Variants in ZNF679 observed in about 807,000 individuals in gnomAD.
ZNF679 encodes hypothetical protein MGC42415.
Under a neutral mutation model 13.4 loss-of-function variants are expected in ZNF679, and 10 were observed. The ratio of observed to expected loss-of-function variants is 0.75; its 90% CI spans 0.46 to 1.27. The LOEUF is 1.27. ZNF679 is among the 50% of genes most tolerant of loss of function. ZNF679 has a pLI of 0.00. For synonymous variants in ZNF679, 179 were observed against 162.5 expected, an observed-to-expected ratio of 1.10 and a Z score of -0.77; for missense variants, 525 against 477.8, an observed-to-expected ratio of 1.10 and a Z score of -0.92.
At chr7:64,232,685 C>T (rs1176094953) in intron 1 of ZNF679, among the ~76,000 whole-genome samples, 1 of 152,094 alleles carries the variant, frequency 6.6e-6, no homozygotes, top group African/African-American at 2.4e-5. Flanking sequence ...GTGCTGGGCC[C>T]AGTGATTTTC....
chr7:64,248,721 T>C (rs972295335), intron 1 of ZNF679, among the ~76,000 whole-genome samples: 1 of 152,204 alleles, frequency 6.6e-6, no homozygotes, highest in East Asian at 1.9e-4. Context: ...TGAATAACTA[T>C]ATTATATACC....
chr7:64,237,221 A>G (rs1186269770), intron 1 of ZNF679, among the ~76,000 whole-genome samples: 2 of 152,202 alleles, frequency 1.3e-5, no homozygotes, highest in Non-Finnish European at 2.9e-5. Flanking sequence ...AGAAACCATG[A>G]GTCCTCTGGG....
intron 4 of ZNF679, among the ~76,000 whole-genome samples, chr7:64,264,862 T>C (rs75252030): frequency 0.033 from 5,031 of 152,150 alleles, 183 homozygotes; most frequent in East Asian, 0.17. Flanking sequence ...CTAGTTTGTT[T>C]AGCTTCTTCA....
chr7:64,265,873 C>T, intron 4 of ZNF679, 23 bp from the exon 5 acceptor site: 1 of 1,604,672 alleles, frequency 6.2e-7, no homozygotes, highest in Non-Finnish European at 8.5e-7. Context: ...AGTGAAGTAA[C>T]TTGTGATTTT....
intron 1 of ZNF679, among the ~76,000 whole-genome samples, chr7:64,235,127 T>G (rs1787691183): frequency 6.6e-6 from 1 of 152,110 alleles, no homozygotes; most frequent in Non-Finnish European, 1.5e-5. Flanking sequence ...TGTAAGCCAC[T>G]GAGCCCGGCC....
chr7:64,247,858 G>GT (rs75515984), intron 1 of ZNF679, among the ~76,000 whole-genome samples: 44,972 of 147,842 alleles, frequency 0.3, 7,812 homozygotes, highest in East Asian at 0.64. Context: ...GCCCTACCAT[G>GT]TTTTTTTTTT....
chr7:64,249,388 A>C (rs1470511218), intron 2 of ZNF679, among the ~76,000 whole-genome samples: 1 of 152,098 alleles, frequency 6.6e-6, no homozygotes, highest in Non-Finnish European at 1.5e-5. Context: ...CCTGGACTGG[A>C]GCCCTCTCTG....
intron 2 of ZNF679, among the ~76,000 whole-genome samples, chr7:64,258,908 TG>T (rs1788040029): frequency 6.6e-6 from 1 of 151,960 alleles, no homozygotes; most frequent in African/African-American, 2.4e-5. Context: ...TGTTTTGTTT[TG>T]TTTTGTTTTG....
chr7:64,235,242 A>T (rs924648919), intron 1 of ZNF679, among the ~76,000 whole-genome samples: 1 of 152,118 alleles, frequency 6.6e-6, no homozygotes, highest in African/African-American at 2.4e-5. Flanking sequence ...GTTCCTGAAC[A>T]ACCCATGGGC....
At chr7:64,249,923 C>A (rs1787922566) in intron 2 of ZNF679, among the ~76,000 whole-genome samples, 1 of 152,152 alleles carries the variant, frequency 6.6e-6, no homozygotes, top group African/African-American at 2.4e-5. Flanking sequence ...CTCACTGCAA[C>A]TTCTGCCTCC....
chr7:64,260,056 C>T (rs1425598319), intron 2 of ZNF679, among the ~76,000 whole-genome samples, 165 bp from the exon 3 acceptor site: 1 of 152,104 alleles, frequency 6.6e-6, no homozygotes, highest in Non-Finnish European at 1.5e-5. Context: ...TTAGAGAATA[C>T]TTCAGTGTTA....
intron 1 of ZNF679, among the ~76,000 whole-genome samples, chr7:64,229,114 C>T (rs1168154884): frequency 1.3e-5 from 2 of 152,120 alleles, no homozygotes; most frequent in Non-Finnish European, 2.9e-5. Flanking sequence ...TTTTCTCTTG[C>T]CTGGGTCCAG....
At chr7:64,258,082 A>G (rs1169862712) in intron 2 of ZNF679, among the ~76,000 whole-genome samples, 3 of 151,830 alleles carry the variant, frequency 2.0e-5, no homozygotes, top group Admixed American at 1.3e-4. Flanking sequence ...TCGTGCTCCC[A>G]TTACTGTAAA....
intron 2 of ZNF679, among the ~76,000 whole-genome samples, chr7:64,258,087 T>C (rs925021493): frequency 5.9e-5 from 9 of 151,666 alleles, no homozygotes; most frequent in Admixed American, 5.3e-4. Flanking sequence ...CTCCCATTAC[T>C]GTAAAGAACA....
At position 64,265,990 on chromosome 7, in the gene ZNF679, AC is replaced by A. The variant is rs1788139275; in HGVS notation, c.358del (p.His120MetfsTer6). 1.9e-6 allele frequency: 3 copies of A among 1,613,788 alleles called. No individual in the cohort carries two copies. Among genetic ancestry groups the A allele is most frequent in the Non-Finnish European group, 2.5e-6 (3 of 1,179,816 alleles). ...TACCAAGAAGATATGGAAAAAGTGG[AC>A]ATGACAATTTACAAGTAAAAACATG... The part of the protein sequence containing the change: ...VIPRRYGKSG[H>X]DNLQVKTCKS... On this transcript the variant is annotated frameshift_variant, in exon 5 of 5. Transcript: ENST00000421025. LOFTEE classifies it low-confidence loss of function (END_TRUNC).
intron 2 of ZNF679, among the ~76,000 whole-genome samples, chr7:64,253,589 A>T (rs1354878840): frequency 6.6e-6 from 1 of 152,224 alleles, no homozygotes; most frequent in Admixed American, 6.5e-5. Flanking sequence ...TGTAAAATAA[A>T]ACAAAATCAG....
intron 1 of ZNF679, among the ~76,000 whole-genome samples, chr7:64,238,053 A>G (rs1476761487): frequency 1.3e-5 from 2 of 152,174 alleles, no homozygotes; most frequent in Admixed American, 1.3e-4. Flanking sequence ...GATCATTACC[A>G]TTGTTCTTCA....
intron 1 of ZNF679, among the ~76,000 whole-genome samples, chr7:64,240,767 T>C (rs1787788197): frequency 6.6e-6 from 1 of 152,100 alleles, no homozygotes. Context: ...ATAGCAGAAA[T>C]TCACAATCCG....
At position 64,266,548 on chromosome 7, in the gene ZNF679, T is replaced by A; in HGVS notation, c.915T>A (p.Phe305Leu). ...PYTCEECGKA[F>L]SLSSSLTYHK... ...CATGTGAAGAATGTGGCAAAGCCTT[T>A]AGCTTATCCTCATCCCTCACTTACC... The change falls in exon 5 of 5, where the codon TTT becomes TTA. Residue 305 changes from phenylalanine to leucine, a missense_variant. Phe to Leu is a conservative substitution (Grantham distance 22). Coordinates refer to ENST00000421025, the MANE Select transcript of ZNF679 (RefSeq NM_153363.3). 2.5e-6 allele frequency: 4 copies of A among 1,612,494 alleles called. No individual in the cohort carries two copies. Among genetic ancestry groups the A allele is most frequent in the Non-Finnish European group, 3.4e-6 (4 of 1,178,758 alleles).
Sources: gnomAD v4.1 joint callset for allele counts (sites outside exome capture counted in the v4.1 genomes callset) on GRCh38, gnomAD v4.1.1 for gene constraint, MANE v1.5 for transcripts, NCBI Gene and HGNC (gene_info 2026-07-23, HGNC 2026-07-21) for gene names.